The following PLXNA2 variants were observed in gnomAD, a reference collection of about 807,000 sequenced individuals.
PLXNA2 encodes the protein plexin A2.
A neutral mutation model predicts 193.5 loss-of-function variants in PLXNA2; 91 were observed. The observed-to-expected ratio is 0.47, with a 90% CI of 0.40 to 0.56. The LOEUF is 0.56. Among genes scored for constraint, PLXNA2 ranks in the 20% least tolerant of loss-of-function variants. The pLI is 0.00. For synonymous variants in PLXNA2, 997 were observed against 1,027.3 expected (o/e 0.97, Z 0.56); for missense variants, 1,995 against 2,503.2 (o/e 0.80, Z 4.33).
intron 18 of PLXNA2, 97 bp from the exon 19 acceptor site, chr1:208,045,307 C>T (rs1392960254): frequency 6.9e-6 from 9 of 1,313,666 alleles, no homozygotes; most frequent in Admixed American, 1.9e-5. Flanking sequence ...GGAAGGGCAG[C>T]AGTGCAAAAA....
At chr1:208,103,838 C>A (rs1010497454) in intron 4 of PLXNA2, among the ~76,000 whole-genome samples, 1 of 152,214 alleles carries the variant, frequency 6.6e-6, no homozygotes, top group African/African-American at 2.4e-5. Flanking sequence ...GGAACATCCA[C>A]AGAAAAGAGC....
chr1:208,064,748 G>A (rs536348922), intron 12 of PLXNA2, among the ~76,000 whole-genome samples: 17 of 152,282 alleles, frequency 1.1e-4, no homozygotes, highest in Non-Finnish European at 1.9e-4. Flanking sequence ...TTAGGATCAA[G>A]GATTCGGAGA....
chr1:208,122,007 C>A (rs1259388093), intron 4 of PLXNA2, among the ~76,000 whole-genome samples: 2 of 152,200 alleles, frequency 1.3e-5, no homozygotes, highest in African/African-American at 4.8e-5. Flanking sequence ...CCCCCACCTG[C>A]ACACAACTGT....
intron 1 of PLXNA2, among the ~76,000 whole-genome samples, chr1:208,226,961 T>G (rs1671530167): frequency 6.6e-6 from 1 of 152,242 alleles, no homozygotes. Context: ...TCCAGCCTTC[T>G]GTGCAAACGG....
At chr1:208,071,609 G>T (rs186128230) in intron 12 of PLXNA2, among the ~76,000 whole-genome samples, 3 of 152,334 alleles carry the variant, frequency 2.0e-5, no homozygotes, top group African/African-American at 7.2e-5. Flanking sequence ...TGGCATTGGC[G>T]GTGCCAGCTC....
At position 208,038,495 on chromosome 1, in the gene PLXNA2, A is replaced by G; in HGVS notation, c.4661-21T>C. ...CCACTCTGGGTGGAGGGGGTGGTGCAGGGAGCGGCGTGAGAGGGATGAGGG... is the reference window on the plus strand; with the variant it reads ...CCACTCTGGGTGGAGGGGGTGGTGCGGGGAGCGGCGTGAGAGGGATGAGGG... On this transcript the variant is annotated intron_variant, in intron 25 of 31. Coordinates refer to ENST00000367033, the MANE Select transcript of PLXNA2 (RefSeq NM_025179.4). This position sits in a 1 kb window ranked among gnomAD's most constrained non-coding sequence, Gnocchi z 4.1. The G allele has an allele frequency of 6.3e-7, 1 of 1,590,524 alleles. No homozygotes were observed.
intron 4 of PLXNA2, among the ~76,000 whole-genome samples, chr1:208,127,817 G>C (rs1026573435): frequency 6.6e-6 from 1 of 152,218 alleles, no homozygotes; most frequent in Non-Finnish European, 1.5e-5. Flanking sequence ...AACGGGGTGA[G>C]AAGAAGAGGC....
intron 4 of PLXNA2, among the ~76,000 whole-genome samples, chr1:208,104,943 AAGGGTTTG>A (rs1479459580): frequency 6.6e-6 from 1 of 152,228 alleles, no homozygotes; most frequent in Non-Finnish European, 1.5e-5. Context: ...TGATAGACCT[AAGGGTTTG>A]AGTTGACTCA....
At chr1:208,222,456 G>C (rs1251892762) in intron 1 of PLXNA2, among the ~76,000 whole-genome samples, 3 of 152,272 alleles carry the variant, frequency 2.0e-5, no homozygotes, top group African/African-American at 7.2e-5. Flanking sequence ...CGTTCCTGAT[G>C]CCAAGGAGAG....
rs12021988 is a variant in PLXNA2, at chr1:208,126,434, C to T, written c.1506+15895G>A. ...CTAGTGGTCCATGATCCAATGACTG[C>T]CCAGTGCTACCAAGGCTTGTATTGG... On this transcript the variant is annotated intron_variant, in intron 4 of 31. Coordinates refer to ENST00000367033, the MANE Select transcript of PLXNA2 (RefSeq NM_025179.4). 3.8e-4 allele frequency among the ~76,000 whole-genome samples: 58 copies of T among 152,266 alleles called. No homozygotes were observed. The East Asian group carries it at 7.3e-3, about 19-fold the overall frequency.
Position 208,127,322 on chromosome 1 carries a change from A to C in PLXNA2, c.1506+15007T>G, listed in dbSNP as rs139869696. Among the ~76,000 whole-genome samples the C allele has an allele frequency of 1.6e-3, 249 of 152,346 alleles. 2 individuals carry two copies. Among genetic ancestry groups the C allele is most frequent in the Middle Eastern group, 0.014 (4 of 294 alleles). On this transcript the variant is annotated intron_variant, in intron 4 of 31. Transcript: ENST00000367033. The stretch of plus-strand genomic sequence containing the variant: ...TCCTTTTATTTACTCACAACCAGTA[A>C]ATAAAAGGTCACATTTATGCTGTAT...
Position 208,170,580 on chromosome 1 carries a change from CT to C in PLXNA2, c.1372-28118del, listed in dbSNP as rs1272856211. Among the ~76,000 whole-genome samples, 7 of 152,296 alleles carry C rather than the reference CT, an allele frequency of 4.6e-5. 1 individual carries two copies. The South Asian group carries it at 1.5e-3, about 32-fold the overall frequency. ...TGTCTGTGGGCATGTTCATAAGGGGCTAGTTCAACCAAGCACAAGAAAATGG... is the reference window on the plus strand; with the variant it reads ...TGTCTGTGGGCATGTTCATAAGGGGCAGTTCAACCAAGCACAAGAAAATGG... On this transcript the variant is annotated intron_variant, in intron 3 of 31. Coordinates refer to ENST00000367033, the MANE Select transcript of PLXNA2 (RefSeq NM_025179.4).
At chr1:208,143,648 A>G (rs1272474947) in intron 3 of PLXNA2, among the ~76,000 whole-genome samples, 1 of 151,928 alleles carries the variant, frequency 6.6e-6, no homozygotes, top group Non-Finnish European at 1.5e-5. Flanking sequence ...TCCTCTGCCC[A>G]TCTCTAGCTC....
chr1:208,169,144 A>G (rs1669411447), intron 3 of PLXNA2, among the ~76,000 whole-genome samples: 1 of 152,156 alleles, frequency 6.6e-6, no homozygotes, highest in African/African-American at 2.4e-5. Context: ...GGGTAAAGGC[A>G]GACTCCTCCC....
intron 3 of PLXNA2, among the ~76,000 whole-genome samples, chr1:208,144,974 CTG>C (rs981464728): frequency 6.6e-6 from 1 of 152,078 alleles, no homozygotes; most frequent in African/African-American, 2.4e-5. Flanking sequence ...ATAAGAGTCT[CTG>C]TGTGGGAAAA....
chr1:208,171,905 T>C (rs889711318), intron 3 of PLXNA2, among the ~76,000 whole-genome samples: 2 of 151,596 alleles, frequency 1.3e-5, no homozygotes, highest in African/African-American at 4.8e-5. Flanking sequence ...CTAATAGGAT[T>C]ATGTGGTGAG....
chr1:208,127,425 T>G (rs1414426983), intron 4 of PLXNA2, among the ~76,000 whole-genome samples: 1 of 152,236 alleles, frequency 6.6e-6, no homozygotes, highest in Non-Finnish European at 1.5e-5. Flanking sequence ...GGGACCAATG[T>G]GGCATGTCTT....
chr1:208,053,788 G>A (rs1665340291), intron 14 of PLXNA2, among the ~76,000 whole-genome samples: 1 of 152,312 alleles, frequency 6.6e-6, no homozygotes, highest in Non-Finnish European at 1.5e-5. Context: ...AGTATGAATA[G>A]AGTGCCATTA....
At chr1:208,057,636 T>G (rs958586757) in intron 13 of PLXNA2, among the ~76,000 whole-genome samples, 1 of 152,302 alleles carries the variant, frequency 6.6e-6, no homozygotes, top group Non-Finnish European at 1.5e-5. Flanking sequence ...GCCTCTTGTC[T>G]TCCCTGTCTC....
Sources: gnomAD v4.1 joint callset for allele counts (sites outside exome capture counted in the v4.1 genomes callset) on GRCh38, gnomAD v4.1.1 for gene constraint, Gnocchi (gnomAD v3.1) non-coding constraint, MANE v1.5 for transcripts, NCBI Gene and HGNC (gene_info 2026-07-23, HGNC 2026-07-21) for gene names.